Variants in LSAMP observed in about 807,000 individuals in gnomAD.
LSAMP encodes limbic system-associated membrane protein.
LSAMP carries 7 observed loss-of-function variants against 38.6 expected under a neutral mutation model. The ratio of observed to expected loss-of-function variants is 0.18; its 90% CI spans 0.10 to 0.34. LSAMP has a LOEUF of 0.34. Ranked by LOEUF, LSAMP falls within the 10% of genes least tolerant of loss-of-function variation. LSAMP has a pLI of 1.00. For missense variants in LSAMP, 313 were observed against 420.0 expected (o/e 0.75, Z 2.23); for synonymous variants, 154 against 166.8 (o/e 0.92, Z 0.59).
intron 1 of LSAMP, among the ~76,000 whole-genome samples, chr3:116,171,378 C>T (rs1482796597): frequency 1.3e-5 from 2 of 152,068 alleles, no homozygotes; most frequent in Non-Finnish European, 2.9e-5. Flanking sequence ...AACCTCACAA[C>T]AAAATTGAGT....
chr3:116,214,843 A>T (rs1326707934), intron 1 of LSAMP, among the ~76,000 whole-genome samples: 1 of 152,096 alleles, frequency 6.6e-6, no homozygotes, highest in African/African-American at 2.4e-5. Context: ...CCATCAGGGG[A>T]GAGGTATGAC....
chr3:116,439,439 A>C (rs1325124896), intron 1 of LSAMP, among the ~76,000 whole-genome samples: 4 of 151,648 alleles, frequency 2.6e-5, no homozygotes, highest in Admixed American at 6.6e-5. Flanking sequence ...TCTCAGACTT[A>C]CCAGGGACCT....
chr3:116,176,829 C>T (rs1215602955), intron 1 of LSAMP, among the ~76,000 whole-genome samples: 2 of 152,082 alleles, frequency 1.3e-5, no homozygotes, highest in Non-Finnish European at 2.9e-5. Context: ...TTTCAAATGG[C>T]ATGAGCATTA....
chr3:115,943,905 C>A (rs116681357), intron 3 of LSAMP, among the ~76,000 whole-genome samples: 1 of 152,156 alleles, frequency 6.6e-6, no homozygotes, highest in East Asian at 1.9e-4. Context: ...CTCTCACCCT[C>A]TAGGAAAATA....
intron 1 of LSAMP, among the ~76,000 whole-genome samples, chr3:116,102,370 GA>G (rs1708367150): frequency 6.6e-6 from 1 of 152,104 alleles, no homozygotes; most frequent in Non-Finnish European, 1.5e-5. Flanking sequence ...TTAAGCAAAA[GA>G]AAAAACTTAG....
At chr3:116,097,785 G>C (rs1043736973) in intron 1 of LSAMP, among the ~76,000 whole-genome samples, 1 of 151,876 alleles carries the variant, frequency 6.6e-6, no homozygotes, top group African/African-American at 2.4e-5. Flanking sequence ...GCCAAGGCTG[G>C]AGTGCAATGG....
chr3:115,949,915 A>T (rs1302909631), intron 3 of LSAMP, among the ~76,000 whole-genome samples: 1 of 152,188 alleles, frequency 6.6e-6, no homozygotes, highest in Non-Finnish European at 1.5e-5. Context: ...CATATGAGGG[A>T]TGCAGGGATG....
intron 1 of LSAMP, among the ~76,000 whole-genome samples, chr3:116,314,853 C>T (rs879172010): frequency 6.6e-6 from 1 of 152,102 alleles, no homozygotes; most frequent in Admixed American, 6.5e-5. Flanking sequence ...TAAAGACCCC[C>T]ACTATTCCCA....
At chr3:116,046,911 C>T (rs1941301161) in intron 2 of LSAMP, among the ~76,000 whole-genome samples, 1 of 152,098 alleles carries the variant, frequency 6.6e-6, no homozygotes, top group Non-Finnish European at 1.5e-5. Flanking sequence ...GCAACTATTC[C>T]AGGGGCTCAC....
chr3:116,132,136 A>G (rs1709148736), intron 1 of LSAMP, among the ~76,000 whole-genome samples: 1 of 152,074 alleles, frequency 6.6e-6, no homozygotes, highest in African/African-American at 2.4e-5. Context: ...CCTTGCTCCC[A>G]AATTTCAAAG....
chr3:116,113,489 G>A (rs1373033527), intron 1 of LSAMP, among the ~76,000 whole-genome samples: 2 of 139,838 alleles, frequency 1.4e-5, no homozygotes, highest in African/African-American at 5.4e-5. Context: ...GCAGTGGCGG[G>A]ATCTCGGCTC....
At chr3:115,967,152 C>T (rs990600648) in intron 3 of LSAMP, among the ~76,000 whole-genome samples, 1 of 152,144 alleles carries the variant, frequency 6.6e-6, no homozygotes, top group Non-Finnish European at 1.5e-5. Flanking sequence ...AAACCAAGTG[C>T]CTTTAACAGC....
chr3:116,119,664 T>TTC (rs1380011773), intron 1 of LSAMP, among the ~76,000 whole-genome samples: 1 of 104,640 alleles, frequency 9.6e-6, no homozygotes, highest in African/African-American at 3.3e-5. Context: ...TTCTTTTCTT[T>TTC]TTTTTTTTTT....
intron 1 of LSAMP, among the ~76,000 whole-genome samples, chr3:116,210,582 C>T (rs565433286): frequency 1.7e-4 from 26 of 152,272 alleles, no homozygotes; most frequent in Admixed American, 5.2e-4. Context: ...TTTTGGGACT[C>T]GGACTGGCTT....
At chr3:115,814,594 C>A (rs149206032) in intron 6 of LSAMP, among the ~76,000 whole-genome samples, 1 of 152,138 alleles carries the variant, frequency 6.6e-6, no homozygotes, top group Non-Finnish European at 1.5e-5. Flanking sequence ...GAGCCCATTT[C>A]TTGGATTTAG....
At chr3:116,332,423 T>C (rs2047863619) in intron 1 of LSAMP, among the ~76,000 whole-genome samples, 1 of 152,088 alleles carries the variant, frequency 6.6e-6, no homozygotes, top group African/African-American at 2.4e-5. Context: ...AAATCCAAAT[T>C]AGAGTGCTAC....
chr3:116,208,474 G>A (rs1265870517), intron 1 of LSAMP, among the ~76,000 whole-genome samples: 8 of 152,302 alleles, frequency 5.3e-5, no homozygotes, highest in South Asian at 2.1e-4. Flanking sequence ...GAGGAGAAGC[G>A]CTCTGCTTTT....
intron 3 of LSAMP, among the ~76,000 whole-genome samples, chr3:115,961,208 A>T (rs1409178151): frequency 6.6e-6 from 1 of 152,152 alleles, no homozygotes; most frequent in Admixed American, 6.5e-5. Context: ...TTCTCATAAG[A>T]TCTTCTCATA....
At chr3:116,197,044 C>T (rs1559778624) in intron 1 of LSAMP, among the ~76,000 whole-genome samples, 1 of 152,054 alleles carries the variant, frequency 6.6e-6, no homozygotes, top group Non-Finnish European at 1.5e-5. Flanking sequence ...CAGTGATTCT[C>T]TTCCAAATAA....
Sources: gnomAD v4.1 joint callset for allele counts (sites outside exome capture counted in the v4.1 genomes callset) on GRCh38, gnomAD v4.1.1 for gene constraint, MANE v1.5 for transcripts, NCBI Gene and HGNC (gene_info 2026-07-23, HGNC 2026-07-21) for gene names.